Variants in ZNF831 observed in about 807,000 individuals in gnomAD.
ZNF831 encodes chromosome 20 open reading frame 174.
ZNF831 carries 59 observed loss-of-function variants against 95.8 expected under a neutral mutation model. The observed-to-expected ratio is 0.62, with a 90% CI of 0.50 to 0.77. The LOEUF (loss-of-function observed/expected upper bound fraction) is 0.77, where lower values mean the gene tolerates loss of function less well. Among genes scored for constraint, ZNF831 ranks in the 30% least tolerant of loss-of-function variants. The probability of loss-of-function intolerance (pLI) is 0.00; values close to 1 mark genes in which losing one functional copy is unlikely to be tolerated. For missense variants in ZNF831, 2,205 were observed against 2,164.0 expected (o/e 1.02, Z -0.38); for synonymous variants, 961 against 925.5 (o/e 1.04, Z -0.70).
intron 3 of ZNF831, among the ~76,000 whole-genome samples, chr20:59,199,566 A>G (rs1459302037): frequency 6.6e-6 from 1 of 152,166 alleles, no homozygotes; most frequent in Non-Finnish European, 1.5e-5. Flanking sequence ...GATCAAATTC[A>G]TTCATTCTGA....
intron 3 of ZNF831, among the ~76,000 whole-genome samples, chr20:59,198,084 C>G (rs773580262): frequency 6.6e-6 from 1 of 152,128 alleles, no homozygotes; most frequent in Non-Finnish European, 1.5e-5. Flanking sequence ...TTACCATGTA[C>G]CTGCTGTGTG....
chr20:59,221,724 G>C (rs1390492332), intron 4 of ZNF831, among the ~76,000 whole-genome samples: 2 of 152,168 alleles, frequency 1.3e-5, no homozygotes, highest in African/African-American at 2.4e-5. Context: ...TAAAATTTTG[G>C]CTTGCTTATT....
rs1164857472 is a variant in ZNF831, at chr20:59,257,679, A to G, written c.*2936A>G. 1 of 152,238 alleles carries G rather than the reference A, an allele frequency of 6.6e-6. No homozygotes were observed. Among genetic ancestry groups the G allele is most frequent in the Non-Finnish European group, 1.5e-5 (1 of 68,040 alleles). The allele number at this position is 152,238 out of a possible 1,614,324, so 9.4% of individuals were successfully genotyped here. ...TTTAGAACAAAGCAAACCAGAGTTT[A>G]AAGATCAGGGATTTCCTTCTTTCCC... On this transcript the variant is annotated 3_prime_UTR_variant, in exon 6 of 6. Transcript: ENST00000371030.
chr20:59,132,540 T>TA (rs1203296440), intron 1 of ZNF831, among the ~76,000 whole-genome samples: 5 of 152,216 alleles, frequency 3.3e-5, no homozygotes, highest in Admixed American at 6.5e-5. Flanking sequence ...GTCTGGTGGA[T>TA]AAAAAATGAC....
At chr20:59,176,983 A>C (rs1982217637) in intron 1 of ZNF831, among the ~76,000 whole-genome samples, 1 of 148,978 alleles carries the variant, frequency 6.7e-6, no homozygotes, top group Non-Finnish European at 1.5e-5. Context: ...CCTCCAACAC[A>C]GCCAGGCCCA....
intron 1 of ZNF831, among the ~76,000 whole-genome samples, chr20:59,165,916 ATTTTTTTGTAT>A (rs1208584546): frequency 6.6e-6 from 1 of 151,824 alleles, no homozygotes; most frequent in Non-Finnish European, 1.5e-5. Context: ...CAACTGGCTA[ATTTTTTTGTAT>A]TTTTAGTAGA....
chr20:59,225,430 G>A (rs1986366314), intron 4 of ZNF831, among the ~76,000 whole-genome samples: 1 of 152,178 alleles, frequency 6.6e-6, no homozygotes, highest in Non-Finnish European at 1.5e-5. Flanking sequence ...AATTTGTGGA[G>A]TCACCAAGCA....
chr20:59,166,969 T>C (rs1601322235), intron 1 of ZNF831, among the ~76,000 whole-genome samples: 2 of 152,224 alleles, frequency 1.3e-5, no homozygotes, highest in Non-Finnish European at 2.9e-5. Flanking sequence ...GGTTGAATAA[T>C]AGTCCCATGT....
At chr20:59,206,865 T>C in intron 3 of ZNF831, 40 bp from the exon 4 acceptor site, 1 of 1,600,820 alleles carries the variant, frequency 6.2e-7, no homozygotes, top group East Asian at 2.2e-5. Context: ...GCATGTGCTC[T>C]CCAGGCTGGT....
At chr20:59,134,539 C>G (rs1000747011) in intron 1 of ZNF831, among the ~76,000 whole-genome samples, 6 of 152,166 alleles carry the variant, frequency 3.9e-5, no homozygotes, top group African/African-American at 1.4e-4. Flanking sequence ...CTCTGAGAAG[C>G]TACAGGTGAG....
chr20:59,217,831 T>C lies in ZNF831; in HGVS notation c.4027+10775T>C, dbSNP rs972723538. Among the ~76,000 whole-genome samples, 4 of 152,232 alleles carry C rather than the reference T, an allele frequency of 2.6e-5. No homozygotes were observed. The highest frequency in any genetic ancestry group is 9.6e-5 in the African/African-American group (4 of 41,456). On this transcript the variant is annotated intron_variant, in intron 4 of 5. Transcript: ENST00000371030. This position sits in a 1 kb window ranked among gnomAD's most constrained non-coding sequence, Gnocchi z 4.4. ...GTAAGTTTCTCTTGACCAGATGTTA[T>C]GTCCACTGGGCACAATTTGATATTC... is the stretch of plus-strand genomic sequence containing the variant.
At chr20:59,236,184 G>A (rs976481928) in intron 4 of ZNF831, among the ~76,000 whole-genome samples, 1 of 152,204 alleles carries the variant, frequency 6.6e-6, no homozygotes, top group Non-Finnish European at 1.5e-5. Context: ...CACTGGTGAT[G>A]TGGCTGCATC....
intron 1 of ZNF831, among the ~76,000 whole-genome samples, chr20:59,142,089 G>A (rs1019191127): frequency 1.1e-4 from 16 of 152,166 alleles, no homozygotes; most frequent in African/African-American, 3.6e-4. Context: ...TTGACCGAGA[G>A]GGCAAGCTCT....
In ZNF831 at chr20:59,258,697, A is replaced by G. The variant is rs1030174385; in HGVS notation, c.*3954A>G. On this transcript the variant is annotated 3_prime_UTR_variant, in exon 6 of 6. Transcript: ENST00000371030. The stretch of plus-strand genomic sequence containing the variant: ...GAGGCACTTTGGCTTTTGAAACACT[A>G]CATTTCTCAATATTTAAGCACAATT... 2 of 152,198 alleles carry G rather than the reference A, an allele frequency of 1.3e-5. No individual in the cohort carries two copies. Among genetic ancestry groups the G allele is most frequent in the African/African-American group, 4.8e-5 (2 of 41,440 alleles). 9.4% of individuals were successfully genotyped at this position (152,198 alleles called of 1,614,324 possible). A position where few individuals can be genotyped will look rare whatever the true frequency, so the allele number is the denominator to read the frequency against.
At chr20:59,211,751 A>G (rs1231490951) in intron 4 of ZNF831, among the ~76,000 whole-genome samples, 1 of 150,472 alleles carries the variant, frequency 6.6e-6, no homozygotes, top group African/African-American at 2.5e-5. Flanking sequence ...GAGAGATCAG[A>G]GCTGCGTCCT....
chr20:59,219,473 G>T (rs1204367948), intron 4 of ZNF831, among the ~76,000 whole-genome samples: 1 of 152,180 alleles, frequency 6.6e-6, no homozygotes, highest in Non-Finnish European at 1.5e-5. Flanking sequence ...AGTGCGGTGA[G>T]CTCGCTGATA....
chr20:59,223,829 T>TA (rs1484715712), intron 4 of ZNF831, among the ~76,000 whole-genome samples: 5 of 151,870 alleles, frequency 3.3e-5, no homozygotes, highest in African/African-American at 1.2e-4. Context: ...TAAACACACA[T>TA]ACACGCACGG....
intron 1 of ZNF831, among the ~76,000 whole-genome samples, chr20:59,169,000 G>A (rs112708640): frequency 0.016 from 2,420 of 152,196 alleles, 67 homozygotes; most frequent in African/African-American, 0.055. Context: ...AGGGATATTC[G>A]TCTGTAGTTG....
chr20:59,142,091 G>A (rs1024137814), intron 1 of ZNF831, among the ~76,000 whole-genome samples: 1 of 152,156 alleles, frequency 6.6e-6, no homozygotes, highest in Non-Finnish European at 1.5e-5. Flanking sequence ...GACCGAGAGG[G>A]CAAGCTCTGC....
Sources: gnomAD v4.1 joint callset for allele counts (sites outside exome capture counted in the v4.1 genomes callset) on GRCh38, gnomAD v4.1.1 for gene constraint, Gnocchi (gnomAD v3.1) non-coding constraint, MANE v1.5 for transcripts, NCBI Gene and HGNC (gene_info 2026-07-23, HGNC 2026-07-21) for gene names.